Variants in GLI3 observed in about 807,000 individuals in gnomAD.
GLI3 encodes GLI family zinc finger 3, also known as transcription activator GLI3.
Under a neutral mutation model 100.8 loss-of-function variants are expected in GLI3, and 20 were observed. The observed-to-expected ratio is 0.20, with a 90% CI of 0.14 to 0.29. The LOEUF (loss-of-function observed/expected upper bound fraction) is 0.29. GLI3 is among the 10% of genes least tolerant of loss of function. The probability of loss-of-function intolerance (pLI) is 1.00; values close to 1 mark genes in which losing one functional copy is unlikely to be tolerated. For missense variants in GLI3, 2,040 were observed against 2,128.5 expected (o/e 0.96, Z 0.82); for synonymous variants, 938 against 860.5 (o/e 1.09, Z -1.58).
In GLI3 at chr7:42,038,483, T is replaced by C. The variant is rs112868724; in HGVS notation, c.1028+1555A>G. Reference sequence around the variant, plus strand: ...AACTTCAAAGAGCTGAGAGGTAAGTTAGGTTTGTATAGCTGGTTGGTGGCA... The same window carrying C: ...AACTTCAAAGAGCTGAGAGGTAAGTCAGGTTTGTATAGCTGGTTGGTGGCA... On this transcript the variant is annotated intron_variant, in intron 7 of 14. Coordinates refer to ENST00000395925, the MANE Select transcript of GLI3 (RefSeq NM_000168.6). Among the ~76,000 whole-genome samples, 566 of 152,320 alleles carry C rather than the reference T, an allele frequency of 3.7e-3. 7 individuals carry two copies. Among genetic ancestry groups the C allele is most frequent in the African/African-American group, 0.012 (513 of 41,570 alleles).
chr7:42,050,289 A>G (rs959852986), intron 4 of GLI3, among the ~76,000 whole-genome samples: 4 of 152,266 alleles, frequency 2.6e-5, no homozygotes, highest in Admixed American at 6.5e-5. Flanking sequence ...AATCACCACC[A>G]GCAAATAGCT....
At chr7:42,172,783 A>C (rs1562771145) in intron 2 of GLI3, 1 of 605,658 alleles carries the variant, frequency 1.7e-6, no homozygotes, top group East Asian at 2.8e-5. Context: ...CCTTCTATTT[A>C]ACAAAGCACA....
intron 3 of GLI3, among the ~76,000 whole-genome samples, chr7:42,132,264 C>A (rs1007597896): frequency 1.3e-5 from 2 of 151,308 alleles, no homozygotes; most frequent in South Asian, 4.4e-4. Context: ...CTACGCCCGG[C>A]TAATTTTTTG....
At chr7:41,978,152 C>A (rs1014743621) in intron 11 of GLI3, among the ~76,000 whole-genome samples, 5 of 152,198 alleles carry the variant, frequency 3.3e-5, no homozygotes, top group Non-Finnish European at 7.3e-5. Flanking sequence ...CTCGTGGGCA[C>A]CTCAGTGAAG....
At position 42,025,417 on chromosome 7, in the gene GLI3, T is replaced by G. The variant is rs77659679; in HGVS notation, c.1243-40A>C. On this transcript the variant is annotated intron_variant, in intron 8 of 14. Transcript: ENST00000395925. ...TGCAGAGCCAGAGACAAAAAGATTT[T>G]CATCAACAAGGAGCAGTACCATAAT... 2,974 of 1,457,926 alleles carry G rather than the reference T, an allele frequency of 2.0e-3. 8 individuals are homozygous for G. Among genetic ancestry groups the G allele is most frequent in the Non-Finnish European group, 2.7e-3 (2,833 of 1,038,728 alleles). 90.3% of individuals were successfully genotyped at this position (1,457,926 alleles called of 1,614,324 possible).
intron 13 of GLI3, among the ~76,000 whole-genome samples, chr7:41,970,871 G>A (rs1411852090): frequency 1.3e-5 from 2 of 152,148 alleles, no homozygotes; most frequent in Admixed American, 6.5e-5. Flanking sequence ...TATTATACAG[G>A]TAGGCTTTAT....
intron 7 of GLI3, 97 bp downstream of exon 7, chr7:42,039,941 T>A: frequency 1.1e-6 from 1 of 914,680 alleles, no homozygotes; most frequent in Non-Finnish European, 1.8e-6. Flanking sequence ...TTATTCTTCC[T>A]CATAGGCAGT....
chr7:42,225,859 C>G (rs188489690), intron 1 of GLI3, among the ~76,000 whole-genome samples: 4 of 152,278 alleles, frequency 2.6e-5, no homozygotes, highest in Non-Finnish European at 5.9e-5. Context: ...ATCCACCTCC[C>G]CTTTCCAGGC....
chr7:42,035,312 A>G (rs1385320807), intron 7 of GLI3, among the ~76,000 whole-genome samples: 2 of 152,230 alleles, frequency 1.3e-5, no homozygotes, highest in Non-Finnish European at 2.9e-5. Context: ...ACCCTGCCTC[A>G]GGCAGCATCA....
At chr7:42,179,815 G>A (rs192139771) in intron 2 of GLI3, among the ~76,000 whole-genome samples, 60 of 152,266 alleles carry the variant, frequency 3.9e-4, no homozygotes, top group African/African-American at 1.3e-3. Context: ...GCATGGCCTT[G>A]CCATCACCTG....
intron 4 of GLI3, among the ~76,000 whole-genome samples, chr7:42,062,328 A>T (rs936777681): frequency 3.9e-5 from 6 of 152,128 alleles, no homozygotes; most frequent in African/African-American, 1.4e-4. Flanking sequence ...GTGACCCATC[A>T]CTTGAGTATC....
chr7:42,130,437 T>C (rs1206042834), intron 3 of GLI3, among the ~76,000 whole-genome samples: 1 of 152,194 alleles, frequency 6.6e-6, no homozygotes, highest in East Asian at 1.9e-4. Context: ...AAGCATTACA[T>C]ACAAAAGGCA....
intron 2 of GLI3, among the ~76,000 whole-genome samples, chr7:42,191,513 A>C (rs1201484175): frequency 6.6e-6 from 1 of 152,038 alleles, no homozygotes; most frequent in African/African-American, 2.4e-5. Context: ...TTAGCTGGGC[A>C]TGTTGGTGCA....
intron 3 of GLI3, among the ~76,000 whole-genome samples, chr7:42,089,240 A>C (rs148019956): frequency 1.6e-3 from 244 of 152,302 alleles, no homozygotes; most frequent in African/African-American, 5.6e-3. Flanking sequence ...AGATGACCCC[A>C]ATCTGCACTT....
At chr7:42,106,935 A>G (rs756717078) in intron 3 of GLI3, among the ~76,000 whole-genome samples, 1 of 151,802 alleles carries the variant, frequency 6.6e-6, no homozygotes, top group Non-Finnish European at 1.5e-5. Flanking sequence ...GAGGGCGGAT[A>G]TTTTTTCCAT....
intron 4 of GLI3, among the ~76,000 whole-genome samples, chr7:42,072,588 C>T (rs1784804436): frequency 1.3e-5 from 2 of 152,066 alleles, no homozygotes; most frequent in African/African-American, 4.8e-5. Flanking sequence ...TGTAATATAC[C>T]AATTGCCTAC....
In GLI3 at chr7:41,964,870, G is replaced by C. The variant is rs770253341; in HGVS notation, c.4203C>G (p.Ser1401Arg). Residue 1401 changes from serine to arginine, a missense_variant, in exon 15 of 15, where the codon AGC (serine) becomes AGG (arginine). By Grantham distance (110) the Ser-to-Arg change is moderately radical. Around this residue, in one of 5 missense-constraint regions of GLI3, gnomAD observed 1,041 missense variants for 924.0 expected, o/e 1.13. Transcript: ENST00000395925. ...GSRRQAMPRD[S>R]LALQSGQLSD... Reference sequence around the variant, plus strand: ...TGAGCTGTCCTGACTGCAGAGCAAGGCTGTCCCTCGGCATAGCCTGGCGCC... The same window carrying C: ...TGAGCTGTCCTGACTGCAGAGCAAGCCTGTCCCTCGGCATAGCCTGGCGCC... The C allele has an allele frequency of 1.9e-6, 3 of 1,613,860 alleles. No homozygotes were observed. Among genetic ancestry groups the C allele is most frequent in the East Asian group, 2.2e-5 (1 of 44,884 alleles).
chr7:42,256,179 T>C (rs1324330091), intron 1 of GLI3, among the ~76,000 whole-genome samples: 1 of 152,200 alleles, frequency 6.6e-6, no homozygotes, highest in African/African-American at 2.4e-5. Flanking sequence ...AAGAGTTCTT[T>C]ACATATTCCA....
intron 2 of GLI3, among the ~76,000 whole-genome samples, chr7:42,204,570 G>T (rs1562785250): frequency 6.6e-6 from 1 of 152,174 alleles, no homozygotes; most frequent in South Asian, 2.1e-4. Flanking sequence ...CAAATAAAGT[G>T]CCTGGCACTT....
Sources: gnomAD v4.1 joint callset for allele counts (sites outside exome capture counted in the v4.1 genomes callset) on GRCh38, gnomAD v4.1.1 for gene constraint, gnomAD v4.1.1 regional missense constraint, MANE v1.5 for transcripts, NCBI Gene and HGNC (gene_info 2026-07-23, HGNC 2026-07-21) for gene names.